Variants in POFUT3 observed in about 807,000 individuals in gnomAD.
The protein encoded by POFUT3 is protein O-fucosyltransferase 3.
the POFUT3 span, among the ~76,000 whole-genome samples, chr8:33,312,012 T>C: frequency 0.43 from 65,804 of 151,902 alleles, 16,087 homozygotes; most frequent in East Asian, 0.8. Flanking sequence ...CTCGTAATCC[T>C]AGCCTTTGGG....
At chr8:33,319,371 T>TAA in the POFUT3 span, among the ~76,000 whole-genome samples, 3 of 6,982 alleles carry the variant, frequency 4.3e-4, no homozygotes, top group African/African-American at 2.0e-3. Context: ...TATATATATG[T>TAA]ATATATTATA....
the POFUT3 span, among the ~76,000 whole-genome samples, chr8:33,356,986 A>G: frequency 6.6e-6 from 1 of 152,032 alleles, no homozygotes; most frequent in African/African-American, 2.4e-5. Flanking sequence ...AGTTGTAGAT[A>G]TGCAGTGTTA....
chr8:33,389,900 A>G, the POFUT3 span: 1 of 819,260 alleles, frequency 1.2e-6, no homozygotes, highest in Non-Finnish European at 1.9e-6. Context: ...GAGGCTATGA[A>G]TAAGAAGCAT....
At chr8:33,432,720 T>C in the POFUT3 span, among the ~76,000 whole-genome samples, 1 of 152,148 alleles carries the variant, frequency 6.6e-6, no homozygotes, top group Non-Finnish European at 1.5e-5. Context: ...ATACTAAACA[T>C]TATAGTGCTA....
the POFUT3 span, among the ~76,000 whole-genome samples, chr8:33,421,043 A>G: frequency 6.6e-6 from 1 of 152,030 alleles, no homozygotes; most frequent in Non-Finnish European, 1.5e-5. Flanking sequence ...AGAAGAAGGG[A>G]CAAGAACTTC....
chr8:33,343,012 C>T, the POFUT3 span, among the ~76,000 whole-genome samples: 1 of 151,412 alleles, frequency 6.6e-6, no homozygotes, highest in Admixed American at 6.6e-5. Context: ...GAGGCTGAGG[C>T]AGGAGAATCG....
the POFUT3 span, among the ~76,000 whole-genome samples, chr8:33,326,995 C>A: frequency 6.6e-6 from 1 of 152,160 alleles, no homozygotes; most frequent in Admixed American, 6.5e-5. Flanking sequence ...CCATGCTGGT[C>A]TTGAATGCCT....
At chr8:33,411,710 C>T in the POFUT3 span, among the ~76,000 whole-genome samples, 1 of 152,138 alleles carries the variant, frequency 6.6e-6, no homozygotes, top group Admixed American at 6.5e-5. Context: ...ATCACTTGAA[C>T]CCGGGAGGTG....
At chr8:33,319,663 ATTTTATATATATTTATATATTATAT>A in the POFUT3 span, among the ~76,000 whole-genome samples, 2 of 3,614 alleles carry the variant, frequency 5.5e-4, 1 homozygote, top group African/African-American at 3.0e-3. Flanking sequence ...AAATATATAT[ATTTTATATATATTTATATATTATAT>A]AAATATATAT....
chr8:33,382,557 C>A, the POFUT3 span, among the ~76,000 whole-genome samples: 1 of 152,152 alleles, frequency 6.6e-6, no homozygotes, highest in Non-Finnish European at 1.5e-5. Flanking sequence ...ACTCAACGTT[C>A]ACTGCAGCTT....
At chr8:33,317,923 T>C in the POFUT3 span, among the ~76,000 whole-genome samples, 6 of 152,284 alleles carry the variant, frequency 3.9e-5, no homozygotes, top group Non-Finnish European at 8.8e-5. Flanking sequence ...TTGCCTTCCA[T>C]GTATTCACTG....
the POFUT3 span, among the ~76,000 whole-genome samples, chr8:33,387,136 T>G: frequency 1.5e-3 from 231 of 152,228 alleles, 1 homozygote; most frequent in Non-Finnish European, 2.9e-3. Context: ...ATTTTTTGCT[T>G]ATGGCCCTAT....
chr8:33,322,480 G>A, the POFUT3 span, among the ~76,000 whole-genome samples: 1 of 152,120 alleles, frequency 6.6e-6, no homozygotes, highest in African/African-American at 2.4e-5. Context: ...GGGAAGGATT[G>A]ATGACTCTGA....
At chr8:33,347,814 C>T in the POFUT3 span, among the ~76,000 whole-genome samples, 1,510 of 152,230 alleles carry the variant, frequency 9.9e-3, 28 homozygotes, top group African/African-American at 0.033. Flanking sequence ...ATTTTTCCTT[C>T]ACCTCCTGAT....
chr8:33,429,082 C>A, the POFUT3 span, among the ~76,000 whole-genome samples: 1 of 152,182 alleles, frequency 6.6e-6, no homozygotes, highest in Non-Finnish European at 1.5e-5. Context: ...GTGTACTTTA[C>A]ATGAATTATA....
chr8:33,454,927 A>G, the POFUT3 span, among the ~76,000 whole-genome samples: 7 of 151,942 alleles, frequency 4.6e-5, no homozygotes, highest in African/African-American at 1.5e-4. Flanking sequence ...CAGCCTCCCA[A>G]AGTGCTAGGA....
chr8:33,375,444 G>T, the POFUT3 span, among the ~76,000 whole-genome samples: 1 of 152,146 alleles, frequency 6.6e-6, no homozygotes, highest in African/African-American at 2.4e-5. Context: ...GAGGCTCCGG[G>T]AGAGATCCCT....
chr8:33,456,140 A>T, the POFUT3 span, among the ~76,000 whole-genome samples: 1 of 152,142 alleles, frequency 6.6e-6, no homozygotes, highest in African/African-American at 2.4e-5. Flanking sequence ...GTAGCCACAA[A>T]CTATCTTTTC....
chr8:33,318,378 A>G, the POFUT3 span, among the ~76,000 whole-genome samples: 2 of 149,014 alleles, frequency 1.3e-5, no homozygotes, highest in South Asian at 4.2e-4. Context: ...CTTGCACAAA[A>G]AGGGAAAAGA....
Sources: allele counts gnomAD v4.1 joint callset (sites outside exome capture counted in the v4.1 genomes callset), GRCh38; gene constraint gnomAD v4.1.1; transcripts MANE v1.5; gene names NCBI Gene and HGNC (gene_info 2026-07-23, HGNC 2026-07-21).